The following DNAH10 variants were observed in gnomAD, a reference collection of about 807,000 sequenced individuals.
DNAH10 encodes dynein axonemal heavy chain 10, also known as axonemal beta dynein heavy chain 10.
Under a neutral mutation model 506.6 loss-of-function variants are expected in DNAH10, and 348 were observed. That is an observed-to-expected ratio of 0.69 (90% CI 0.63 to 0.75). DNAH10 has a LOEUF of 0.75. Ranked by LOEUF, DNAH10 falls within the 30% of genes least tolerant of loss-of-function variation. DNAH10 has a pLI of 0.00. For missense variants in DNAH10, 5,179 were observed against 5,787.1 expected (o/e 0.89, Z 3.41); for synonymous variants, 2,059 against 2,198.6 (o/e 0.94, Z 1.78).
At chr12:123,779,622 A>AGAG (rs58492886) in intron 5 of DNAH10, among the ~76,000 whole-genome samples, 2 of 150,984 alleles carry the variant, frequency 1.3e-5, no homozygotes, top group Non-Finnish European at 2.9e-5. Context: ...AGAGAGAGAG[A>AGAG]AACAAAACCA....
chr12:123,861,825 A>G (rs1951624002), intron 39 of DNAH10, among the ~76,000 whole-genome samples: 1 of 152,254 alleles, frequency 6.6e-6, no homozygotes, highest in Non-Finnish European at 1.5e-5. Flanking sequence ...CAAGAGTCCA[A>G]AGTCCCAACT....
intron 39 of DNAH10, among the ~76,000 whole-genome samples, chr12:123,861,550 G>A (rs2136869120): frequency 6.6e-6 from 1 of 152,364 alleles, no homozygotes; most frequent in Admixed American, 6.5e-5. Flanking sequence ...GTAAGTCAAG[G>A]AAAGGTAGCA....
rs1951096478 is a variant in DNAH10 at position 123,850,020 on chromosome 12, T to C, written c.6103-868T>C. 1.3e-5 allele frequency among the ~76,000 whole-genome samples: 2 copies of C among 152,078 alleles called. No individual in the cohort carries two copies. Among genetic ancestry groups the C allele is most frequent in the Admixed American group, 1.3e-4 (2 of 15,264 alleles). ...CCAGGAGGCAGCAGCTATCTGCTCTTCCCCCTGGGCCATCTGGGCCATCTG... is the reference window on the plus strand; with the variant it reads ...CCAGGAGGCAGCAGCTATCTGCTCTCCCCCCTGGGCCATCTGGGCCATCTG... On this transcript the variant is annotated intron_variant, in intron 34 of 78. Transcript: ENST00000673944. The surrounding 1 kb of genome is among the most constrained non-coding windows in gnomAD (Gnocchi z 5.5).
intron 52 of DNAH10, among the ~76,000 whole-genome samples, chr12:123,887,724 GACCCCGTCTTTAC>G: frequency 6.6e-6 from 1 of 152,080 alleles, no homozygotes; most frequent in African/African-American, 2.4e-5. Context: ...AGGAGTTTGA[GACCCCGTCTTTAC>G]AAATTTTTTT....
At chr12:123,890,396 G>A (rs181429678) in intron 52 of DNAH10, among the ~76,000 whole-genome samples, 3 of 150,768 alleles carry the variant, frequency 2.0e-5, no homozygotes, top group East Asian at 1.9e-4. Context: ...CCAGCCTTTC[G>A]AGTAGCTGGG....
At chr12:123,765,358 G>A (rs1956982978) in intron 1 of DNAH10, among the ~76,000 whole-genome samples, 1 of 152,100 alleles carries the variant, frequency 6.6e-6, no homozygotes, top group East Asian at 1.9e-4. Flanking sequence ...TGAATTCACA[G>A]AACATAGAAT....
In DNAH10 at chr12:123,883,618, A is replaced by G. The variant is rs183248986; in HGVS notation, c.8823+1805A>G. On this transcript the variant is annotated intron_variant, in intron 51 of 78. Coordinates refer to ENST00000673944, the MANE Select transcript of DNAH10 (RefSeq NM_001372106.1). ...ATGCTTATAATATTTTCAATTTACA[A>G]TGGATTTATTGAGACGTAGCCCCAT... 1.6e-4 allele frequency among the ~76,000 whole-genome samples: 24 copies of G among 152,290 alleles called. No individual in the cohort carries two copies. In the East Asian group the frequency reaches 4.4e-3, roughly 28 times the overall value.
At chr12:123,781,446 G>T (rs1345539735) in intron 6 of DNAH10, 147 bp downstream of exon 6, 1 of 771,526 alleles carries the variant, frequency 1.3e-6, no homozygotes, top group Non-Finnish European at 2.0e-6. Flanking sequence ...TGTCGCTCAG[G>T]CTGGCAAAAA....
Position 123,916,306 on chromosome 12 carries a change from G to T in DNAH10, c.10723-151G>T, listed in dbSNP as rs190207605. 2.6e-5 allele frequency: 25 copies of T among 963,236 alleles called. No individual in the cohort carries two copies. The African/African-American group carries it at 3.8e-4, about 15-fold the overall frequency. 59.7% of individuals were successfully genotyped at this position (963,236 alleles called of 1,614,324 possible). ...AGCCTGGACCTCATGGTGTATATGC[G>T]TTATACCCCTTGCTTCTCTCTTCTT... On this transcript the variant is annotated intron_variant, in intron 62 of 78. Coordinates refer to ENST00000673944, the MANE Select transcript of DNAH10 (RefSeq NM_001372106.1). This position sits in a 1 kb window ranked among gnomAD's most constrained non-coding sequence, Gnocchi z 4.6.
chr12:123,917,866 T>A lies in DNAH10; in HGVS notation c.11232+53T>A. The A allele has an allele frequency of 1.3e-6, 2 of 1,523,816 alleles. No homozygotes were observed. The highest frequency in any genetic ancestry group is 1.8e-6 in the Non-Finnish European group (2 of 1,125,328). The allele number at this position is 1,523,816 out of a possible 1,614,324, so 94.4% of individuals were successfully genotyped here. ...AGTCAGGCGGGGCCTGCATGCGCCGTTGGAGCGTCCATTTCTCTGTCTGCT... is the reference window on the plus strand; with the variant it reads ...AGTCAGGCGGGGCCTGCATGCGCCGATGGAGCGTCCATTTCTCTGTCTGCT... On this transcript the variant is annotated intron_variant, in intron 64 of 78. Transcript: ENST00000673944. The surrounding 1 kb of genome is among the most constrained non-coding windows in gnomAD (Gnocchi z 5.6).
rs777103022 is a variant in DNAH10, at chr12:123,914,543, A to C, written c.10567A>C (p.Ile3523Leu). ...LESLLTDDVE[I>L]SRWGSQGLPP... ...AAGCCTGCTCACGGATGATGTTGAGATCAGCAGGTGTGTGGCACCCTGAGC... is the reference window on the plus strand; with the variant it reads ...AAGCCTGCTCACGGATGATGTTGAGCTCAGCAGGTGTGTGGCACCCTGAGC... Residue 3523 changes from isoleucine (I) to leucine (L), a missense_variant, in exon 61 of 79, where the codon ATC (isoleucine) becomes CTC (leucine). Physicochemically the swap from Ile to Leu is conservative, Grantham distance 5. This residue lies in a region of DNAH10 where 4,844 missense variants were observed against 5,430.5 expected (regional missense o/e 0.89). Coordinates refer to ENST00000673944, the MANE Select transcript of DNAH10 (RefSeq NM_001372106.1). 6.2e-7 allele frequency: 1 copy of C among 1,612,752 alleles called. No homozygotes were observed. Among genetic ancestry groups the C allele is most frequent in the East Asian group, 2.2e-5 (1 of 44,868 alleles).
In DNAH10 at chr12:123,771,130, C is replaced by T. The variant is rs989046057; in HGVS notation, c.299-471C>T. Reference sequence around the variant, plus strand: ...GATTACAGGCATGCATCACCATGTCCGGCTAATTTTTGTATTTTTAGTAGA... The same window carrying T: ...GATTACAGGCATGCATCACCATGTCTGGCTAATTTTTGTATTTTTAGTAGA... On this transcript the variant is annotated intron_variant, in intron 2 of 78. Coordinates refer to ENST00000673944, the MANE Select transcript of DNAH10 (RefSeq NM_001372106.1). Among the ~76,000 whole-genome samples, 7 of 152,046 alleles carry T rather than the reference C, an allele frequency of 4.6e-5. No individual in the cohort carries two copies. In the East Asian group the frequency reaches 5.8e-4, roughly 13 times the overall value.
rs373243306 is a variant in DNAH10 at position 123,847,990 on chromosome 12, C to T, written c.5844C>T (p.Pro1948=). 4.6e-5 allele frequency: 74 copies of T among 1,613,562 alleles called. No individual in the cohort carries two copies. The highest frequency in any genetic ancestry group is 2.9e-4 in the South Asian group (26 of 91,062). Residue 1948 remains proline (P), a synonymous_variant, in exon 33 of 79, where the codon CCC becomes CCT. Transcript: ENST00000673944. ...TGTCCATGTATCTAGGTGGGGCCCC[C>T]GCCGGCCCAGCAGGAACCGGCAAAA... ...QALSMYLGGA[P]AGPAGTGKTE...
In DNAH10 at chr12:123,796,733, T is replaced by G. The variant is rs1355679059; in HGVS notation, c.2064T>G (p.Gly688=). ...PLYKNHPPVA[G]AIYWERSLFF... is the part of the protein sequence containing the mutation. ...ATAAGAATCACCCTCCAGTAGCAGGTGCAATATACTGGGAACGATCTCTGT... is the reference window on the plus strand; with the variant it reads ...ATAAGAATCACCCTCCAGTAGCAGGGGCAATATACTGGGAACGATCTCTGT... Residue 688 remains glycine, a synonymous_variant, in exon 13 of 79, where the codon GGT becomes GGG. Transcript: ENST00000673944. 1 of 1,613,940 alleles carries G rather than the reference T, an allele frequency of 6.2e-7. No homozygotes were observed. The highest frequency in any genetic ancestry group is 2.2e-5 in the East Asian group (1 of 44,882).
At chr12:123,783,317 C>T in intron 7 of DNAH10, 53 bp downstream of exon 7, 1 of 1,600,372 alleles carries the variant, frequency 6.2e-7, no homozygotes, top group Non-Finnish European at 8.5e-7. Flanking sequence ...GCTTACCATG[C>T]TGGGAAAGAG....
Position 123,820,585 on chromosome 12 carries a change from G to C in DNAH10, c.4006G>C (p.Glu1336Gln). ...SVGDDLDKGV[E>Q]LLGVYERELA... ...TCGGTGTATTTATTTACTAGGAGTA[G>C]AGCTTTTAGGTGTTTATGAAAGAGA... Residue 1336 changes from glutamate to glutamine, a missense_variant, in exon 24 of 79, where the codon GAG (glutamate) becomes CAG (glutamine). By Grantham distance (29) the Glu-to-Gln change is conservative (BLOSUM62 2). Around this residue, in one of 3 missense-constraint regions of DNAH10, gnomAD observed 4,844 missense variants for 5,430.5 expected, o/e 0.89. Coordinates refer to ENST00000673944, the MANE Select transcript of DNAH10 (RefSeq NM_001372106.1). The C allele has an allele frequency of 6.2e-7, 1 of 1,613,556 alleles. No homozygotes were observed. Among genetic ancestry groups the C allele is most frequent in the Non-Finnish European group, 8.5e-7 (1 of 1,179,772 alleles).
At chr12:123,820,000 G>A (rs532659896) in intron 23 of DNAH10, among the ~76,000 whole-genome samples, 1 of 152,104 alleles carries the variant, frequency 6.6e-6, no homozygotes, top group South Asian at 2.1e-4. Context: ...CCACTGAGCC[G>A]AGTCCTAAAA....
chr12:123,912,507 G>A (rs1954268418), intron 59 of DNAH10, among the ~76,000 whole-genome samples: 1 of 149,874 alleles, frequency 6.7e-6, no homozygotes, highest in Admixed American at 6.7e-5. Flanking sequence ...GGTCTGTCCT[G>A]GGCACTATAG....
chr12:123,823,426 C>T (rs1353918662), intron 24 of DNAH10, among the ~76,000 whole-genome samples: 1 of 152,074 alleles, frequency 6.6e-6, no homozygotes, highest in East Asian at 1.9e-4. Flanking sequence ...TGGGAGCTTG[C>T]ATTTTAGGAC....
Sources: allele counts gnomAD v4.1 joint callset (sites outside exome capture counted in the v4.1 genomes callset), GRCh38; gene constraint gnomAD v4.1.1; regional missense constraint gnomAD v4.1.1; non-coding constraint Gnocchi (gnomAD v3.1); transcripts MANE v1.5; gene names NCBI Gene and HGNC (gene_info 2026-07-23, HGNC 2026-07-21).